The following SUPT3H variants were observed in gnomAD, a reference collection of about 807,000 sequenced individuals.
SUPT3H encodes the protein transcription initiation protein SPT3 homolog.
A neutral mutation model predicts 44.3 loss-of-function variants in SUPT3H; 44 were observed. That is an observed-to-expected ratio of 0.99 (90% CI 0.78 to 1.28). The LOEUF is 1.28. SUPT3H is among the 50% of genes most tolerant of loss of function. The pLI is 0.00. For synonymous variants in SUPT3H, 124 were observed against 125.6 expected (o/e 0.99, Z 0.09); for missense variants, 380 against 387.1 (o/e 0.98, Z 0.15).
chr6:45,172,745 C>T (rs1044399522), intron 2 of SUPT3H, among the ~76,000 whole-genome samples: 6 of 151,978 alleles, frequency 3.9e-5, no homozygotes, highest in Non-Finnish European at 7.4e-5. Flanking sequence ...GTGCGCACCA[C>T]CGTGCCCAGC....
At chr6:45,168,520 C>T (rs114327506) in intron 2 of SUPT3H, among the ~76,000 whole-genome samples, 2,669 of 152,278 alleles carry the variant, frequency 0.018, 51 homozygotes, top group South Asian at 0.085. Context: ...GTCACAGGTA[C>T]ATCCTTAACC....
chr6:45,318,645 T>C (rs1301734080), intron 2 of SUPT3H, among the ~76,000 whole-genome samples: 2 of 151,684 alleles, frequency 1.3e-5, no homozygotes, highest in Non-Finnish European at 2.9e-5. Flanking sequence ...AAATATTTCA[T>C]GCAGTAAATA....
intron 2 of SUPT3H, among the ~76,000 whole-genome samples, chr6:45,225,952 G>C (rs1340813142): frequency 6.6e-6 from 1 of 152,058 alleles, no homozygotes; most frequent in Non-Finnish European, 1.5e-5. Context: ...TTAGTACAAT[G>C]ACAAAGAGGG....
At chr6:44,989,829 T>C (rs1039998923) in intron 6 of SUPT3H, among the ~76,000 whole-genome samples, 1 of 152,082 alleles carries the variant, frequency 6.6e-6, no homozygotes, top group Non-Finnish European at 1.5e-5. Flanking sequence ...AGGTCCTTTG[T>C]TCCTTTTTTT....
chr6:45,113,630 A>G (rs1002883089), intron 2 of SUPT3H, among the ~76,000 whole-genome samples: 1 of 152,082 alleles, frequency 6.6e-6, no homozygotes, highest in Admixed American at 6.5e-5. Flanking sequence ...GTTCCAGACC[A>G]GACTGGCCAA....
chr6:45,156,796 G>A lies in SUPT3H; in HGVS notation c.102-50790C>T, dbSNP rs116181361. Among the ~76,000 whole-genome samples, 354 of 151,500 alleles carry A rather than the reference G, an allele frequency of 2.3e-3. 1 individual carries two copies. Among genetic ancestry groups the A allele is most frequent in the African/African-American group, 7.8e-3 (323 of 41,356 alleles). On this transcript the variant is annotated intron_variant, in intron 2 of 10. Transcript: ENST00000371459. The stretch of plus-strand genomic sequence containing the variant: ...GATGAAGTTTTTGATTTTTTTATCA[G>A]AACACTTTTTACAATAACTTCCAAA...
intron 6 of SUPT3H, among the ~76,000 whole-genome samples, chr6:45,000,065 T>C (rs1271194200): frequency 6.6e-6 from 1 of 151,892 alleles, no homozygotes; most frequent in Non-Finnish European, 1.5e-5. Flanking sequence ...TAAATGTATA[T>C]ACACATATAA....
intron 10 of SUPT3H, among the ~76,000 whole-genome samples, chr6:44,872,497 A>T (rs1188892240): frequency 6.6e-6 from 1 of 151,562 alleles, no homozygotes; most frequent in African/African-American, 2.4e-5. Flanking sequence ...TCCTGAAGGA[A>T]GTGCTAAACA....
chr6:44,892,288 T>G (rs1404765644), intron 10 of SUPT3H, among the ~76,000 whole-genome samples: 2 of 151,986 alleles, frequency 1.3e-5, no homozygotes, highest in African/African-American at 4.8e-5. Flanking sequence ...GGTGGCTTTA[T>G]AAGATGAGGA....
At chr6:45,271,636 A>C (rs190298885) in intron 2 of SUPT3H, among the ~76,000 whole-genome samples, 4 of 152,308 alleles carry the variant, frequency 2.6e-5, no homozygotes, top group Admixed American at 2.6e-4. Flanking sequence ...TTGCTCAGGC[A>C]ATGTGAAAGG....
intron 2 of SUPT3H, among the ~76,000 whole-genome samples, chr6:45,286,742 G>C (rs935469961): frequency 6.6e-6 from 1 of 152,158 alleles, no homozygotes; most frequent in Non-Finnish European, 1.5e-5. Flanking sequence ...CCATTACTGG[G>C]TATATACCCA....
At chr6:45,351,737 T>C (rs555633476) in intron 2 of SUPT3H, among the ~76,000 whole-genome samples, 7 of 152,284 alleles carry the variant, frequency 4.6e-5, no homozygotes, top group African/African-American at 1.4e-4. Flanking sequence ...CCAAAGTTAG[T>C]GATCAGAACC....
intron 2 of SUPT3H, among the ~76,000 whole-genome samples, chr6:45,128,095 C>A (rs1407216298): frequency 1.3e-5 from 2 of 151,990 alleles, no homozygotes; most frequent in African/African-American, 4.8e-5. Flanking sequence ...TTAATATAGC[C>A]CTATCAGCTT....
intron 2 of SUPT3H, among the ~76,000 whole-genome samples, chr6:45,347,284 C>A (rs749998955): frequency 6.6e-6 from 1 of 151,974 alleles, no homozygotes; most frequent in Non-Finnish European, 1.5e-5. Flanking sequence ...AAAATGAATT[C>A]GATTTCACTG....
At chr6:45,118,374 CAATT>C (rs1801130754) in intron 2 of SUPT3H, among the ~76,000 whole-genome samples, 1 of 152,034 alleles carries the variant, frequency 6.6e-6, no homozygotes, top group African/African-American at 2.4e-5. Context: ...CAATACCAGG[CAATT>C]AATTATTTAT....
At chr6:45,229,454 C>T (rs541616902) in intron 2 of SUPT3H, among the ~76,000 whole-genome samples, 1 of 152,000 alleles carries the variant, frequency 6.6e-6, no homozygotes, top group Non-Finnish European at 1.5e-5. Context: ...TAGCAAAATA[C>T]TAAAATAAAA....
rs56200314 is a variant in SUPT3H at position 45,031,858 on chromosome 6, T to C, written c.187-11226A>G. ...AGCAACCAGCTCAACTAGCTGCAAG[T>C]GCATGAAAGGAAGTATGGGGTTGGG... On this transcript the variant is annotated intron_variant, in intron 3 of 10. Coordinates refer to ENST00000371459, the MANE Select transcript of SUPT3H (RefSeq NM_003599.4). Among the ~76,000 whole-genome samples, 1,313 of 152,276 alleles carry C rather than the reference T, an allele frequency of 8.6e-3. 24 individuals are homozygous for C. Among genetic ancestry groups the C allele is most frequent in the African/African-American group, 0.03 (1,237 of 41,552 alleles).
chr6:45,333,468 T>A (rs542542525), intron 2 of SUPT3H, among the ~76,000 whole-genome samples: 2 of 151,564 alleles, frequency 1.3e-5, no homozygotes, highest in African/African-American at 4.8e-5. Context: ...CCCTTTATAC[T>A]ATTTATTAAG....
chr6:45,062,973 C>A (rs1583323188), intron 3 of SUPT3H, among the ~76,000 whole-genome samples: 1 of 151,736 alleles, frequency 6.6e-6, no homozygotes, highest in Non-Finnish European at 1.5e-5. Context: ...CTCAAGGAGA[C>A]CTGCCTGCCT....
Sources: allele counts gnomAD v4.1 joint callset (sites outside exome capture counted in the v4.1 genomes callset), GRCh38; gene constraint gnomAD v4.1.1; transcripts MANE v1.5; gene names NCBI Gene and HGNC (gene_info 2026-07-23, HGNC 2026-07-21).